The following WWOX variants were observed in gnomAD, a reference collection of about 807,000 sequenced individuals.
The protein encoded by WWOX is WW domain containing oxidoreductase.
In WWOX, 69 loss-of-function variants were observed where a neutral mutation model predicts 46.2. That is an observed-to-expected ratio of 1.49 (90% CI 1.23 to 1.82). The LOEUF (loss-of-function observed/expected upper bound fraction) is 1.82. WWOX is among the 40% of genes most tolerant of loss of function. The probability of loss-of-function intolerance (pLI) is 0.00; values close to 1 mark genes in which losing one functional copy is unlikely to be tolerated. For synonymous variants in WWOX, 359 were observed against 202.6 expected, an observed-to-expected ratio of 1.77 and a Z score of -6.56; for missense variants, 919 against 542.6, an observed-to-expected ratio of 1.69 and a Z score of -6.89.
chr16:78,987,278 T>C (rs1305331952), intron 8 of WWOX, among the ~76,000 whole-genome samples: 1 of 152,230 alleles, frequency 6.6e-6, no homozygotes, highest in Non-Finnish European at 1.5e-5. Flanking sequence ...TTAGGTTCCA[T>C]GATCTTTGGC....
intron 4 of WWOX, among the ~76,000 whole-genome samples, chr16:78,141,875 G>C (rs2034000887): frequency 6.6e-6 from 1 of 152,038 alleles, no homozygotes; most frequent in Admixed American, 6.5e-5. Flanking sequence ...AAAAAATTCA[G>C]TTACTGACAG....
intron 8 of WWOX, among the ~76,000 whole-genome samples, chr16:78,663,248 C>T (rs995421877): frequency 2.0e-5 from 3 of 152,162 alleles, no homozygotes; most frequent in Admixed American, 2.0e-4. Flanking sequence ...TGGAATCATA[C>T]AATACGTGGC....
In WWOX at chr16:78,495,217, T is replaced by C. The variant is rs2084886924; in HGVS notation, c.1056+62465T>C. Among the ~76,000 whole-genome samples the C allele has an allele frequency of 2.7e-5, 4 of 149,528 alleles. No homozygotes were observed. The South Asian group carries it at 8.7e-4, about 32-fold the overall frequency. On this transcript the variant is annotated intron_variant, in intron 8 of 8. Transcript: ENST00000566780. Reference sequence around the variant, plus strand: ...GTGCGGTGGCATGATCTCGGCTCACTGCAACTTTTGCCTCCTAGATTCAAG... The same window carrying C: ...GTGCGGTGGCATGATCTCGGCTCACCGCAACTTTTGCCTCCTAGATTCAAG...
chr16:78,511,232 C>T (rs372793503), intron 8 of WWOX, among the ~76,000 whole-genome samples: 3 of 152,300 alleles, frequency 2.0e-5, no homozygotes, highest in Non-Finnish European at 2.9e-5. Flanking sequence ...CCCTCCCCAG[C>T]GCACACATCA....
chr16:78,514,590 G>A (rs2085443256), intron 8 of WWOX, among the ~76,000 whole-genome samples: 2 of 152,120 alleles, frequency 1.3e-5, no homozygotes, highest in African/African-American at 2.4e-5. Flanking sequence ...ACCGATAAGT[G>A]TACCAGATTT....
intron 8 of WWOX, among the ~76,000 whole-genome samples, chr16:78,668,071 G>C (rs1341612490): frequency 6.6e-6 from 1 of 152,090 alleles, no homozygotes; most frequent in Non-Finnish European, 1.5e-5. Context: ...TTGAGGTCAG[G>C]AATTCAAGAC....
At chr16:78,712,972 G>C (rs953388426) in intron 8 of WWOX, among the ~76,000 whole-genome samples, 2 of 152,022 alleles carry the variant, frequency 1.3e-5, no homozygotes, top group African/African-American at 4.8e-5. Flanking sequence ...ATAGCAGTTA[G>C]AAATAGCTAG....
At chr16:78,367,020 C>A (rs998687694) in intron 5 of WWOX, among the ~76,000 whole-genome samples, 8 of 131,534 alleles carry the variant, frequency 6.1e-5, no homozygotes, top group African/African-American at 2.3e-4. Context: ...TGCTCTGTTG[C>A]CCAGGCTGGA....
intron 5 of WWOX, among the ~76,000 whole-genome samples, chr16:78,370,067 G>T (rs1245049929): frequency 1.5e-5 from 2 of 136,514 alleles, no homozygotes; most frequent in Non-Finnish European, 3.0e-5. Flanking sequence ...GGGAGCTGGA[G>T]CTTGCAGCCA....
intron 8 of WWOX, among the ~76,000 whole-genome samples, chr16:79,172,511 G>A (rs1000225530): frequency 6.6e-6 from 1 of 152,080 alleles, no homozygotes; most frequent in Non-Finnish European, 1.5e-5. Context: ...CTACATAAAT[G>A]TTTGCTCCTC....
At chr16:78,916,326 C>T (rs1193856256) in intron 8 of WWOX, among the ~76,000 whole-genome samples, 1 of 152,142 alleles carries the variant, frequency 6.6e-6, no homozygotes. Flanking sequence ...TTAGATAAAA[C>T]AATAATACCA....
At chr16:78,757,648 T>C (rs1272649274) in intron 8 of WWOX, among the ~76,000 whole-genome samples, 1 of 152,008 alleles carries the variant, frequency 6.6e-6, no homozygotes, top group Non-Finnish European at 1.5e-5. Flanking sequence ...ATACATTTTA[T>C]TTATTTATAT....
intron 8 of WWOX, among the ~76,000 whole-genome samples, chr16:78,516,904 A>C (rs1421098462): frequency 6.6e-6 from 1 of 152,178 alleles, no homozygotes; most frequent in African/African-American, 2.4e-5. Flanking sequence ...ATCAAGATTA[A>C]CATTATTATT....
At chr16:78,723,506 TCTA>T (rs2048742214) in intron 8 of WWOX, among the ~76,000 whole-genome samples, 1 of 152,168 alleles carries the variant, frequency 6.6e-6, no homozygotes, top group Non-Finnish European at 1.5e-5. Context: ...AGCCTCATCT[TCTA>T]CTACCTTCTT....
intron 8 of WWOX, among the ~76,000 whole-genome samples, chr16:78,606,718 G>GTTTTTTTTTTT (rs59612285): frequency 1.3e-4 from 16 of 121,076 alleles, no homozygotes; most frequent in African/African-American, 5.5e-4. Flanking sequence ...CAGAATTGCA[G>GTTTTTTTTTTT]TTTTTTTTTT....
At position 78,612,933 on chromosome 16, in the gene WWOX, T is replaced by C. The variant is rs1447223233; in HGVS notation, c.1056+180181T>C. 7.9e-5 allele frequency among the ~76,000 whole-genome samples: 12 copies of C among 152,344 alleles called. No individual in the cohort carries two copies. The East Asian group carries it at 2.1e-3, about 27-fold the overall frequency. ...TAAATTTTAGTATGTGTCTCATTTT[T>C]TTCCAGATGCTCTGGGGTCACTACC... is the stretch of plus-strand genomic sequence containing the variant. On this transcript the variant is annotated intron_variant, in intron 8 of 8. Coordinates refer to ENST00000566780, the MANE Select transcript of WWOX (RefSeq NM_016373.4).
intron 8 of WWOX, among the ~76,000 whole-genome samples, chr16:78,860,877 C>A (rs573044368): frequency 6.6e-6 from 1 of 152,298 alleles, no homozygotes; most frequent in East Asian, 1.9e-4. Flanking sequence ...CACTCTGTCA[C>A]CCAGGCTAGA....
At chr16:78,667,912 G>T (rs2047370585) in intron 8 of WWOX, among the ~76,000 whole-genome samples, 1 of 151,994 alleles carries the variant, frequency 6.6e-6, no homozygotes. Flanking sequence ...TCTAGGATGT[G>T]CCCTCTGCCC....
At chr16:79,019,067 A>G (rs1272923989) in intron 8 of WWOX, among the ~76,000 whole-genome samples, 1 of 142,084 alleles carries the variant, frequency 7.0e-6, no homozygotes, top group African/African-American at 2.6e-5. Context: ...TGAGGTAAGG[A>G]GGATCGCTTG....
Sources: gnomAD v4.1 joint callset for allele counts (sites outside exome capture counted in the v4.1 genomes callset) on GRCh38, gnomAD v4.1.1 for gene constraint, MANE v1.5 for transcripts, NCBI Gene and HGNC (gene_info 2026-07-23, HGNC 2026-07-21) for gene names.